GIT1: variants seen among roughly 807,000 people sequenced by gnomAD.
GIT1 encodes the protein GIT ArfGAP 1.
Under a neutral mutation model 91.7 loss-of-function variants are expected in GIT1, and 14 were observed. The ratio of observed to expected loss-of-function variants is 0.15; its 90% CI spans 0.10 to 0.24. The LOEUF (loss-of-function observed/expected upper bound fraction) is 0.24. Ranked by LOEUF, GIT1 falls within the 10% of genes least tolerant of loss-of-function variation. GIT1 has a pLI of 1.00. For synonymous variants in GIT1, 414 were observed against 418.2 expected, an observed-to-expected ratio of 0.99 and a Z score of 0.12; for missense variants, 717 against 1,024.9, an observed-to-expected ratio of 0.70 and a Z score of 4.10.
chr17:29,580,294 A>C (rs1478181520), intron 7 of GIT1, among the ~76,000 whole-genome samples: 1 of 152,232 alleles, frequency 6.6e-6, no homozygotes. Flanking sequence ...ATGCACACAC[A>C]ACCCAGGTAG....
intron 7 of GIT1, among the ~76,000 whole-genome samples, chr17:29,579,589 T>C (rs1348364225): frequency 6.6e-6 from 1 of 151,922 alleles, no homozygotes; most frequent in East Asian, 1.9e-4. Context: ...ATTTAAAAAT[T>C]AGCTGAGCAC....
intron 19 of GIT1, 63 bp from the exon 20 acceptor site, chr17:29,574,977 A>AGTTTGTC (rs1328912990): frequency 6.7e-7 from 1 of 1,493,848 alleles, no homozygotes; most frequent in Non-Finnish European, 9.1e-7. Context: ...ATCAGGGCCC[A>AGTTTGTC]GTTTGTCTGT....
In GIT1 at chr17:29,589,359, C is replaced by T; in HGVS notation, c.20G>A (p.Arg7Gln). 1 of 1,088,154 alleles carries T rather than the reference C, an allele frequency of 9.2e-7. No individual in the cohort carries two copies. Among genetic ancestry groups the T allele is most frequent in the South Asian group, 2.5e-5 (1 of 40,638 alleles). 67.4% of individuals were successfully genotyped at this position (1,088,154 alleles called of 1,614,324 possible). Residue 7 changes from arginine (R) to glutamine (Q), a missense_variant, in exon 1 of 20, where the codon CGA becomes CAA. Arg to Gln is a conservative substitution (Grantham distance 43). Around this residue, in one of 3 missense-constraint regions of GIT1, gnomAD observed 271 missense variants for 451.6 expected, o/e 0.60. Transcript: ENST00000225394. This position sits in a 1 kb window ranked among gnomAD's most constrained non-coding sequence, Gnocchi z 5.2. MSRKGP[R>Q]AEVCADCSAP... ...GCTGCAGTCCGCACACACCTCCGCT[C>T]GCGGCCCCTTTCGGGACATCCTCAG...
At position 29,581,361 on chromosome 17, in the gene GIT1, G is replaced by A. The variant is rs1724055756; in HGVS notation, c.738C>T (p.Tyr246=). The A allele has an allele frequency of 1.2e-6, 2 of 1,612,728 alleles. No individual in the cohort carries two copies. The highest frequency in any genetic ancestry group is 1.7e-6 in the Non-Finnish European group (2 of 1,179,036). Reference sequence around the variant, plus strand: ...ACCTGTCAGCCATCTGTGGGATGATGTAATGCCCATTCTTGTGATCTGAAC... The same window carrying A: ...ACCTGTCAGCCATCTGTGGGATGATATAATGCCCATTCTTGTGATCTGAAC... ...GRKPDHKNGH[Y]IIPQMADSLD... The change falls in exon 7 of 20, where the codon TAC becomes TAT. Residue 246 remains tyrosine, a synonymous_variant. Transcript: ENST00000225394. This position sits in a 1 kb window ranked among gnomAD's most constrained non-coding sequence, Gnocchi z 4.8.
Position 29,581,844 on chromosome 17 carries a change from G to T in GIT1, c.624-8C>A. ...TCATGGTGCCCCGCCTGCCTGTGAG[G>T]AGGGGGTATGGCTCAGACCTGCAGC... On this transcript the variant is annotated splice_polypyrimidine_tract_variant and splice_region_variant and intron_variant, in intron 5 of 19. Coordinates refer to ENST00000225394, the MANE Select transcript of GIT1 (RefSeq NM_014030.4). This position sits in a 1 kb window ranked among gnomAD's most constrained non-coding sequence, Gnocchi z 4.8. 1 of 1,612,228 alleles carries T rather than the reference G, an allele frequency of 6.2e-7. No homozygotes were observed.
chr17:29,586,748 G>A (rs1169135185), intron 1 of GIT1, among the ~76,000 whole-genome samples: 2 of 152,228 alleles, frequency 1.3e-5, no homozygotes, highest in Non-Finnish European at 2.9e-5. Context: ...ATGGGGTGAG[G>A]AGAGGCCCTT....
At position 29,577,204 on chromosome 17, in the gene GIT1, G is replaced by T; in HGVS notation, c.1025C>A (p.Thr342Asn). The change falls in exon 11 of 20, where the codon ACC (threonine) becomes AAC (asparagine). Residue 342 changes from threonine to asparagine, a missense_variant. This residue lies in a region of GIT1 where 312 missense variants were observed against 349.5 expected (regional missense o/e 0.89). Transcript: ENST00000225394. ...LARFNAREFA[T>N]LIIDILSEAK... ...CTCACTGAGAATGTCGATGATCAAG[G>T]TGGCAAACTCTCGGGCATTAAAGCG... is the stretch of plus-strand genomic sequence containing the variant. 1 of 1,613,968 alleles carries T rather than the reference G, an allele frequency of 6.2e-7. No individual in the cohort carries two copies. The highest frequency in any genetic ancestry group is 8.5e-7 in the Non-Finnish European group (1 of 1,180,018).
Position 29,575,176 on chromosome 17 carries a change from C to T in GIT1, c.2010-34G>A, listed in dbSNP as rs373722852. ...AGAAGGGAGGCTATAAAGCAGGGGGCTCTCAAGGGAGGTTCCCAGGGACAG... is the reference window on the plus strand; with the variant it reads ...AGAAGGGAGGCTATAAAGCAGGGGGTTCTCAAGGGAGGTTCCCAGGGACAG... On this transcript the variant is annotated intron_variant, in intron 18 of 19. Transcript: ENST00000225394. The surrounding 1 kb of genome is among the most constrained non-coding windows in gnomAD (Gnocchi z 5.5). 2.5e-6 allele frequency: 4 copies of T among 1,572,116 alleles called. No individual in the cohort carries two copies. The East Asian group carries it at 9.0e-5, about 35-fold the overall frequency.
At chr17:29,588,892 C>T (rs571582488) in intron 1 of GIT1, among the ~76,000 whole-genome samples, 1 of 152,182 alleles carries the variant, frequency 6.6e-6, no homozygotes, top group Non-Finnish European at 1.5e-5. Flanking sequence ...GCAGGCGTAC[C>T]GACCACGCGA....
rs1239381683 is a variant in GIT1, at chr17:29,578,330, A to G, written c.852T>C (p.Tyr284=). 6.2e-7 allele frequency: 1 copy of G among 1,614,044 alleles called. No homozygotes were observed. Among genetic ancestry groups the G allele is most frequent in the South Asian group, 1.1e-5 (1 of 91,076 alleles). Residue 284 remains tyrosine (Y), a synonymous_variant, in exon 9 of 20, where the codon TAT becomes TAC. Coordinates refer to ENST00000225394, the MANE Select transcript of GIT1 (RefSeq NM_014030.4). Reference sequence around the variant, plus strand: ...CATTTTCTCTTCGATCCACCTCGTCATACACGTCCATGGCGAGTTCCTCAA... The same window carrying G: ...CATTTTCTCTTCGATCCACCTCGTCGTACACGTCCATGGCGAGTTCCTCAA... ...RLFEELAMDV[Y]DEVDRRENDA...
At chr17:29,582,374 T>A (rs994822463) in intron 4 of GIT1, among the ~76,000 whole-genome samples, 5 of 152,238 alleles carry the variant, frequency 3.3e-5, no homozygotes, top group Admixed American at 2.6e-4. Flanking sequence ...TAGATACTAT[T>A]TATGAAGTAG....
At chr17:29,588,756 T>C (rs2033689171) in intron 1 of GIT1, among the ~76,000 whole-genome samples, 1 of 152,094 alleles carries the variant, frequency 6.6e-6, no homozygotes, top group African/African-American at 2.4e-5. Context: ...CAAGGAGCGC[T>C]AGCCTTAGGA....
chr17:29,575,963 G>A lies in GIT1; in HGVS notation c.1666-65C>T. 6.6e-7 allele frequency: 1 copy of A among 1,515,390 alleles called. No individual in the cohort carries two copies. Among genetic ancestry groups the A allele is most frequent in the Non-Finnish European group, 9.1e-7 (1 of 1,094,178 alleles). 93.9% of individuals were successfully genotyped at this position (1,515,390 alleles called of 1,614,324 possible). On this transcript the variant is annotated intron_variant, in intron 15 of 19. Transcript: ENST00000225394. This position sits in a 1 kb window ranked among gnomAD's most constrained non-coding sequence, Gnocchi z 5.5. Reference sequence around the variant, plus strand: ...CACTGCCCCCCTGCTCACCAGCAGTGCAGCAGGGACCAGGTCAGTCTAATC... The same window carrying A: ...CACTGCCCCCCTGCTCACCAGCAGTACAGCAGGGACCAGGTCAGTCTAATC...
chr17:29,581,974 G>C lies in GIT1; in HGVS notation c.576C>G (p.Asp192Glu). ...GGCCATTAACATCAGGGGAGCCAGG[G>C]TCAGCCCCATACACTACAAGCAGCT... ...QAELLVVYGA[D>E]PGSPDVNGRT... The change falls in exon 5 of 20, where the codon GAC becomes GAG. Residue 192 changes from aspartate to glutamate, a missense_variant. Asp to Glu is a conservative substitution (Grantham distance 45). Coordinates refer to ENST00000225394, the MANE Select transcript of GIT1 (RefSeq NM_014030.4). This position sits in a 1 kb window ranked among gnomAD's most constrained non-coding sequence, Gnocchi z 4.8. 1.9e-6 allele frequency: 3 copies of C among 1,612,894 alleles called. No homozygotes were observed. The highest frequency in any genetic ancestry group is 2.5e-6 in the Non-Finnish European group (3 of 1,180,026).
rs1395232561 is a variant in GIT1, at chr17:29,573,945, G to C, written c.*757C>G. ...AAAACTGGCTACCCGGACAGTCCCT[G>C]GCTCCAGGTGGGGAAGGGAAGCTGA... On this transcript the variant is annotated 3_prime_UTR_variant, in exon 20 of 20. Coordinates refer to ENST00000225394, the MANE Select transcript of GIT1 (RefSeq NM_014030.4). The C allele has an allele frequency of 6.6e-6, 1 of 152,534 alleles. No individual in the cohort carries two copies. Among genetic ancestry groups the C allele is most frequent in the Non-Finnish European group, 1.5e-5 (1 of 68,130 alleles). 9.4% of individuals were successfully genotyped at this position (152,534 alleles called of 1,614,324 possible).
chr17:29,577,009 G>T lies in GIT1; in HGVS notation c.1094-13C>A. On this transcript the variant is annotated splice_polypyrimidine_tract_variant and intron_variant, in intron 11 of 19. Transcript: ENST00000225394. Reference sequence around the variant, plus strand: ...AGCTCGAGGTTGTCTGAGGACACAGGAGTGTCACTCAGGCCACACTCCACC... The same window carrying T: ...AGCTCGAGGTTGTCTGAGGACACAGTAGTGTCACTCAGGCCACACTCCACC... 3 of 1,604,182 alleles carry T rather than the reference G, an allele frequency of 1.9e-6. No individual in the cohort carries two copies. The highest frequency in any genetic ancestry group is 2.5e-6 in the Non-Finnish European group (3 of 1,179,794).
In GIT1 at chr17:29,576,517, C is replaced by T; in HGVS notation, c.1380+5G>A. On this transcript the variant is annotated splice_donor_5th_base_variant and intron_variant, in intron 13 of 19. Coordinates refer to ENST00000225394, the MANE Select transcript of GIT1 (RefSeq NM_014030.4). ...CTCCCCCTCCCACCGAGGCTGCACC[C>T]TCACCTCTCGCTGCAGCCTCCGGAG... The T allele has an allele frequency of 1.9e-6, 3 of 1,613,802 alleles. No individual in the cohort carries two copies. The highest frequency in any genetic ancestry group is 1.6e-4 in the Middle Eastern group (1 of 6,062).
chr17:29,583,282 GA>G (rs1374718029), intron 2 of GIT1, among the ~76,000 whole-genome samples, 200 bp downstream of exon 2: 13 of 152,314 alleles, frequency 8.5e-5, no homozygotes, highest in African/African-American at 2.9e-4. Context: ...ATAAGTGGCA[GA>G]GCAGGGGTGT....
chr17:29,576,276 A>G lies in GIT1; in HGVS notation c.1555T>C (p.Phe519Leu). 1 of 1,611,544 alleles carries G rather than the reference A, an allele frequency of 6.2e-7. No individual in the cohort carries two copies. The highest frequency in any genetic ancestry group is 8.5e-7 in the Non-Finnish European group (1 of 1,178,812). ...AGCTCGTCCCCAGGGGGGCCCCCAAAGGGCTTCAGGGCAGAGCCAGGTTCA... is the reference window on the plus strand; with the variant it reads ...AGCTCGTCCCCAGGGGGGCCCCCAAGGGGCTTCAGGGCAGAGCCAGGTTCA... The part of the protein sequence containing the change: ...MYEPGSALKP[F>L]GGPPGDELTT... The change falls in exon 14 of 20, where the codon TTT becomes CTT. Residue 519 changes from phenylalanine to leucine, a missense_variant. Coordinates refer to ENST00000225394, the MANE Select transcript of GIT1 (RefSeq NM_014030.4).
Sources: gnomAD v4.1 joint callset for allele counts (sites outside exome capture counted in the v4.1 genomes callset) on GRCh38, gnomAD v4.1.1 for gene constraint, gnomAD v4.1.1 regional missense constraint, Gnocchi (gnomAD v3.1) non-coding constraint, MANE v1.5 for transcripts, NCBI Gene and HGNC (gene_info 2026-07-23, HGNC 2026-07-21) for gene names.